Variants in SNRPN observed in about 807,000 individuals in gnomAD.
The protein encoded by SNRPN is small nuclear ribonucleoprotein polypeptide N, also known as small nuclear ribonucleoprotein-associated protein N.
A neutral mutation model predicts 25.2 loss-of-function variants in SNRPN; 7 were observed. The ratio of observed to expected loss-of-function variants is 0.28; its 90% confidence interval spans 0.16 to 0.52. The LOEUF (loss-of-function observed/expected upper bound fraction) is 0.52, where lower values mean the gene tolerates loss of function less well. SNRPN is among the 20% of genes least tolerant of loss of function. The probability of loss-of-function intolerance (pLI) is 0.96; values close to 1 mark genes in which losing one functional copy is unlikely to be tolerated. For synonymous variants in SNRPN, 124 were observed against 110.6 expected, an observed-to-expected ratio of 1.12 and a Z score of -0.76; for missense variants, 196 against 322.5, an observed-to-expected ratio of 0.61 and a Z score of 3.00.
intron 3 of SNRPN, among the ~76,000 whole-genome samples, chr15:24,928,201 C>T (rs2060543003): frequency 6.6e-6 from 1 of 152,060 alleles, no homozygotes; most frequent in African/African-American, 2.4e-5. Context: ...AATGGAACTA[C>T]CCTGTGAACC....
chr15:24,958,938 G>T (rs1030597761), intron 1 of SNRPN: 2 of 152,484 alleles, frequency 1.3e-5, no homozygotes, highest in South Asian at 2.1e-4. Flanking sequence ...GACTGGTCTC[G>T]AACTCCTGGA....
At chr15:24,918,573 T>A (rs2059732119) in intron 2 of SNRPN, among the ~76,000 whole-genome samples, 1 of 87,920 alleles carries the variant, frequency 1.1e-5, no homozygotes. Context: ...AATATATATG[T>A]ATATATATAA....
At chr15:24,939,184 C>T (rs1217194430) in intron 3 of SNRPN, among the ~76,000 whole-genome samples, 1 of 152,038 alleles carries the variant, frequency 6.6e-6, no homozygotes, top group Non-Finnish European at 1.5e-5. Context: ...AAAAATTTTC[C>T]ATTCCTACCA....
chr15:24,897,616 C>T (rs2058157115), intron 2 of SNRPN, among the ~76,000 whole-genome samples: 1 of 152,092 alleles, frequency 6.6e-6, no homozygotes. Flanking sequence ...CCAAATCTCA[C>T]CTTGAATTAT....
chr15:24,837,126 A>C (rs957512749), intron 2 of SNRPN, among the ~76,000 whole-genome samples: 1 of 152,004 alleles, frequency 6.6e-6, no homozygotes, highest in African/African-American at 2.4e-5. Flanking sequence ...CACAACAAGC[A>C]TGAATAGAGA....
intron 2 of SNRPN, among the ~76,000 whole-genome samples, chr15:24,918,086 G>C (rs1327603586): frequency 6.6e-6 from 1 of 151,824 alleles, no homozygotes; most frequent in Non-Finnish European, 1.5e-5. Flanking sequence ...TTTGAGGGTA[G>C]AATTTATTTT....
chr15:24,854,809 T>C (rs2053227931), upstream of SNRPN, among the ~76,000 whole-genome samples: 1 of 152,144 alleles, frequency 6.6e-6, no homozygotes, highest in Non-Finnish European at 1.5e-5. Context: ...TCAAGACCTT[T>C]GGGCAACATG....
intron 3 of SNRPN, among the ~76,000 whole-genome samples, chr15:24,937,411 G>A (rs1429694568): frequency 6.6e-6 from 1 of 152,086 alleles, no homozygotes; most frequent in Non-Finnish European, 1.5e-5. Context: ...ATGTGCACCT[G>A]TAGTCCCAGC....
chr15:24,967,952 G>A lies in SNRPN; in HGVS notation c.-274G>A, dbSNP rs142583293. 624 of 1,613,820 alleles carry A rather than the reference G, an allele frequency of 3.9e-4. 1 individual carries two copies. Among genetic ancestry groups the A allele is most frequent in the Non-Finnish European group, 5.1e-4 (599 of 1,179,984 alleles). ...TGTAGGTGTCAGTTGTACCCGAGGC[G>A]TTCTCAGCAGCAGCAAGTACCTGTG... On this transcript the variant is annotated 5_prime_UTR_variant, in exon 3 of 10. Coordinates refer to ENST00000390687, the MANE Select transcript of SNRPN (RefSeq NM_003097.6).
chr15:24,978,308 A>C lies in SNRPN; in HGVS notation c.675A>C (p.Pro225=). ...CTCCGGGAATGAGACCCCCTCCACC[A>C]GGCATTAGAGGTGAGTGGGAGCATA... is the stretch of plus-strand genomic sequence containing the variant. ...MPPPGMRPPP[P]GIRGPPPPGM... is the part of the protein sequence containing the mutation. Residue 225 remains proline, a synonymous_variant, in exon 9 of 10, where the codon CCA becomes CCC. Transcript: ENST00000390687. 1 of 1,614,050 alleles carries C rather than the reference A, an allele frequency of 6.2e-7. No homozygotes were observed. Among genetic ancestry groups the C allele is most frequent in the South Asian group, 1.1e-5 (1 of 91,066 alleles).
At chr15:24,971,315 T>C (rs536278548) in intron 3 of SNRPN, among the ~76,000 whole-genome samples, 1 of 152,288 alleles carries the variant, frequency 6.6e-6, no homozygotes, top group South Asian at 2.1e-4. Flanking sequence ...AGTTTTGTTT[T>C]CTTGTGCTGT....
In SNRPN at chr15:24,874,309, CAAAAAAAAAAAA is replaced by C. The variant is rs199834006; in HGVS notation, c.-578-12194_-578-12183del. ...TGGGTGACAGAGTGAGACTCTGTCTCAAAAAAAAAAAAAAAAAAAAAAAAGGCAGAGTGGCAG... is the reference window on the plus strand; with the variant it reads ...TGGGTGACAGAGTGAGACTCTGTCTCAAAAAAAAAAAAGGCAGAGTGGCAG... On this transcript the variant is annotated intron_variant, in intron 1 of 11. Coordinates refer to the SNRPN transcript ENST00000400097. 2.3e-3 allele frequency among the ~76,000 whole-genome samples: 142 copies of C among 61,444 alleles called. 4 individuals carry two copies. The East Asian group carries it at 0.043, about 19-fold the overall frequency. The allele number at this position is 61,444 out of a possible 152,430, so 40.3% of individuals were successfully genotyped here. A position where few individuals can be genotyped will look rare whatever the true frequency, so the allele number is the denominator to read the frequency against.
chr15:24,831,579 CCTAT>C (rs1395382381), intron 2 of SNRPN, among the ~76,000 whole-genome samples: 1 of 151,854 alleles, frequency 6.6e-6, no homozygotes, highest in Non-Finnish European at 1.5e-5. Flanking sequence ...TCTTTTTCTT[CCTAT>C]CTAACTGAAA....
intron 2 of SNRPN, among the ~76,000 whole-genome samples, chr15:24,913,822 G>A (rs553691623): frequency 6.6e-6 from 1 of 152,262 alleles, no homozygotes; most frequent in South Asian, 2.1e-4. Flanking sequence ...AATACCCAGA[G>A]AATGAATAGT....
chr15:24,899,192 A>G (rs1000471801), intron 2 of SNRPN, among the ~76,000 whole-genome samples: 2 of 152,190 alleles, frequency 1.3e-5, no homozygotes, highest in African/African-American at 2.4e-5. Flanking sequence ...TTTTCTCCCA[A>G]CACTTTCTAT....
rs2059045385 is a variant in SNRPN, at chr15:24,909,127, A to AG, written c.-504-10883dup. The stretch of plus-strand genomic sequence containing the variant: ...TATACATTTCCTCCATCATGTCTGG[A>AG]GTTACCCTGTTCTTTATGTATTGAG... On this transcript the variant is annotated intron_variant, in intron 2 of 11. Coordinates refer to the SNRPN transcript ENST00000400097. 3 of 1,343,470 alleles carry AG rather than the reference A, an allele frequency of 2.2e-6. No individual in the cohort carries two copies. In the Admixed American group the frequency reaches 5.0e-5, roughly 23 times the overall value. The allele number at this position is 1,343,470 out of a possible 1,614,324, so 83.2% of individuals were successfully genotyped here.
intron 2 of SNRPN, among the ~76,000 whole-genome samples, chr15:24,905,378 G>T (rs189329954): frequency 6.6e-6 from 1 of 150,876 alleles, no homozygotes; most frequent in Non-Finnish European, 1.5e-5. Context: ...GCATGGTGGC[G>T]TGCGCCTGTA....
At chr15:24,901,795 G>T (rs1163192159) in intron 2 of SNRPN, among the ~76,000 whole-genome samples, 1 of 152,136 alleles carries the variant, frequency 6.6e-6, no homozygotes, top group Non-Finnish European at 1.5e-5. Flanking sequence ...GATTCCAAGT[G>T]CACAGAACAT....
intron 1 of SNRPN, among the ~76,000 whole-genome samples, chr15:24,870,780 C>T (rs2055019948): frequency 6.6e-6 from 1 of 151,792 alleles, no homozygotes. Context: ...TCTCTGTATT[C>T]CTCTATGGGA....
Sources: gnomAD v4.1 joint callset for allele counts (sites outside exome capture counted in the v4.1 genomes callset) on GRCh38, gnomAD v4.1.1 for gene constraint, MANE v1.5 for transcripts, NCBI Gene and HGNC (gene_info 2026-07-23, HGNC 2026-07-21) for gene names.